Variants in LRP1B observed in about 807,000 individuals in gnomAD.
LRP1B encodes LDL receptor related protein 1B.
A neutral mutation model predicts 556.6 loss-of-function variants in LRP1B; 217 were observed. The ratio of observed to expected loss-of-function variants is 0.39; its 90% CI spans 0.35 to 0.44. LRP1B has a LOEUF of 0.44. LRP1B is among the 20% of genes least tolerant of loss of function. The pLI is 1.00. For synonymous variants in LRP1B, 2,047 were observed against 1,865.8 expected (o/e 1.10, Z -2.50); for missense variants, 5,053 against 5,620.8 (o/e 0.90, Z 3.23).
chr2:141,581,831 T>G (rs1686966466), intron 2 of LRP1B, among the ~76,000 whole-genome samples: 1 of 152,228 alleles, frequency 6.6e-6, no homozygotes, highest in Admixed American at 6.5e-5. Flanking sequence ...ACTGGCTTTA[T>G]AACTATTCTT....
At chr2:140,288,309 A>G (rs1302629384) in intron 84 of LRP1B, among the ~76,000 whole-genome samples, 1 of 151,910 alleles carries the variant, frequency 6.6e-6, no homozygotes, top group Non-Finnish European at 1.5e-5. Flanking sequence ...ACCAGTTTGT[A>G]GTGATTAAAT....
intron 2 of LRP1B, among the ~76,000 whole-genome samples, chr2:141,793,241 T>C (rs1010652021): frequency 2.0e-5 from 3 of 151,996 alleles, no homozygotes; most frequent in African/African-American, 7.2e-5. Context: ...TAAAATAGTG[T>C]TATGTTCTTC....
intron 41 of LRP1B, among the ~76,000 whole-genome samples, chr2:140,650,243 T>A (rs904927666): frequency 2.6e-5 from 4 of 151,636 alleles, no homozygotes; most frequent in Admixed American, 2.6e-4. Flanking sequence ...AATCAGAAAA[T>A]TTAAAAGAGA....
chr2:141,808,549 T>C (rs1004702131), intron 2 of LRP1B, among the ~76,000 whole-genome samples: 10 of 152,134 alleles, frequency 6.6e-5, no homozygotes, highest in Non-Finnish European at 1.5e-4. Flanking sequence ...ATGCACAATA[T>C]TGAGATTTAT....
chr2:141,188,238 C>T (rs1160777241), intron 7 of LRP1B, among the ~76,000 whole-genome samples, 183 bp downstream of exon 7: 3 of 151,982 alleles, frequency 2.0e-5, no homozygotes, highest in South Asian at 4.1e-4. Context: ...ACACTAATAA[C>T]TCACCAGCTT....
At chr2:141,128,820 A>G (rs1382668214) in intron 7 of LRP1B, among the ~76,000 whole-genome samples, 1 of 152,210 alleles carries the variant, frequency 6.6e-6, no homozygotes, top group Non-Finnish European at 1.5e-5. Context: ...AATTGTAAAC[A>G]TTACATTTGA....
At chr2:141,575,879 A>G (rs1686723639) in intron 2 of LRP1B, among the ~76,000 whole-genome samples, 1 of 152,198 alleles carries the variant, frequency 6.6e-6, no homozygotes, top group Non-Finnish European at 1.5e-5. Context: ...AGAAATGCAA[A>G]TCAAAGCCAA....
intron 3 of LRP1B, among the ~76,000 whole-genome samples, chr2:141,383,921 A>G (rs1689735204): frequency 6.6e-6 from 1 of 152,192 alleles, no homozygotes; most frequent in Non-Finnish European, 1.5e-5. Flanking sequence ...AGTAAGTTCT[A>G]GACATCAATT....
intron 1 of LRP1B, among the ~76,000 whole-genome samples, chr2:142,009,110 T>C (rs1702880480): frequency 6.6e-6 from 1 of 152,180 alleles, no homozygotes; most frequent in East Asian, 1.9e-4. Flanking sequence ...ATTTTGGAAA[T>C]TGTTGCAGGA....
chr2:141,181,731 G>A (rs543501814), intron 7 of LRP1B, among the ~76,000 whole-genome samples: 15 of 151,952 alleles, frequency 9.9e-5, no homozygotes, highest in South Asian at 4.1e-4. Context: ...TGTATTCCCA[G>A]GCTAAGCACA....
chr2:141,922,030 A>T (rs1700199563), intron 1 of LRP1B, among the ~76,000 whole-genome samples: 2 of 152,188 alleles, frequency 1.3e-5, no homozygotes, highest in Admixed American at 1.3e-4. Flanking sequence ...CTTAATTATT[A>T]ATCCTTAAAT....
chr2:141,030,319 G>A (rs1698331743), intron 11 of LRP1B, among the ~76,000 whole-genome samples: 1 of 151,902 alleles, frequency 6.6e-6, no homozygotes, highest in Non-Finnish European at 1.5e-5. Context: ...TTTTGAAAAT[G>A]TTTGTCTCAG....
At chr2:141,367,968 A>C (rs576294780) in intron 3 of LRP1B, among the ~76,000 whole-genome samples, 4 of 152,274 alleles carry the variant, frequency 2.6e-5, no homozygotes, top group African/African-American at 7.2e-5. Context: ...ACACATGTGA[A>C]AAAGCTTCAC....
chr2:140,288,196 G>A (rs955903837), intron 84 of LRP1B, among the ~76,000 whole-genome samples: 13 of 149,538 alleles, frequency 8.7e-5, no homozygotes, highest in African/African-American at 3.2e-4. Flanking sequence ...CTGACTCATA[G>A]TCTCTTTTGC....
chr2:141,339,312 A>T (rs1240368345), intron 3 of LRP1B, among the ~76,000 whole-genome samples: 2 of 152,074 alleles, frequency 1.3e-5, no homozygotes, highest in Non-Finnish European at 2.9e-5. Flanking sequence ...AAAAAAAAAA[A>T]AAGCATTCAA....
intron 86 of LRP1B, among the ~76,000 whole-genome samples, chr2:140,252,688 C>T (rs978129658): frequency 2.0e-5 from 3 of 151,678 alleles, no homozygotes; most frequent in Non-Finnish European, 2.9e-5. Context: ...AATTTTTTTC[C>T]GTTGTAAAAG....
intron 15 of LRP1B, among the ~76,000 whole-genome samples, chr2:141,004,136 T>C (rs1271862714): frequency 2.0e-5 from 3 of 152,088 alleles, no homozygotes; most frequent in Non-Finnish European, 4.4e-5. Flanking sequence ...TCATTATAAG[T>C]GATAAAATAA....
At chr2:140,968,018 TTG>T (rs1425182439) in intron 18 of LRP1B, among the ~76,000 whole-genome samples, 3 of 75,136 alleles carry the variant, frequency 4.0e-5, no homozygotes, top group South Asian at 6.6e-4. Context: ...TTGCCAGGCT[TTG>T]GTATCAAGAT....
At chr2:141,885,503 A>C (rs944861256) in intron 1 of LRP1B, among the ~76,000 whole-genome samples, 1 of 152,086 alleles carries the variant, frequency 6.6e-6, no homozygotes, top group Non-Finnish European at 1.5e-5. Context: ...ACAAACAAAC[A>C]AAAAACGCTG....
Sources: allele counts gnomAD v4.1 joint callset (sites outside exome capture counted in the v4.1 genomes callset), GRCh38; gene constraint gnomAD v4.1.1; transcripts MANE v1.5; gene names NCBI Gene and HGNC (gene_info 2026-07-23, HGNC 2026-07-21).